ARAP2: variants seen among roughly 807,000 people sequenced by gnomAD.
ARAP2 encodes the protein ArfGAP with RhoGAP domain, ankyrin repeat and PH domain 2.
In ARAP2, 148 loss-of-function variants were observed where a neutral mutation model predicts 194.5. The ratio of observed to expected loss-of-function variants is 0.76; its 90% CI spans 0.67 to 0.87. ARAP2 has a LOEUF of 0.87. ARAP2 is among the 40% of genes least tolerant of loss of function. The pLI, the probability that ARAP2 is intolerant of heterozygous loss-of-function variation, is 0.00. For synonymous variants in ARAP2, 695 were observed against 683.5 expected, an observed-to-expected ratio of 1.02 and a Z score of -0.26; for missense variants, 2,128 against 1,989.7, an observed-to-expected ratio of 1.07 and a Z score of -1.32.
At chr4:36,144,906 T>A (rs1224526684) in intron 19 of ARAP2, among the ~76,000 whole-genome samples, 2 of 152,092 alleles carry the variant, frequency 1.3e-5, no homozygotes, top group East Asian at 3.9e-4. Flanking sequence ...TTCATGATGA[T>A]CTACTTCCAC....
At chr4:36,013,289 C>T (rs1340245963) in intron 8 of ARAP2, among the ~76,000 whole-genome samples, 1 of 152,090 alleles carries the variant, frequency 6.6e-6, no homozygotes, top group Non-Finnish European at 1.5e-5. Flanking sequence ...TGCCGTTTAA[C>T]TAAATGACGT....
chr4:36,173,120 C>T (rs1222411368), intron 9 of ARAP2, among the ~76,000 whole-genome samples: 1 of 151,902 alleles, frequency 6.6e-6, no homozygotes, highest in Non-Finnish European at 1.5e-5. Context: ...CCCAAACCCA[C>T]CAAGCAAGAC....
At chr4:36,064,047 T>C (rs982370087), downstream of ARAP2, among the ~76,000 whole-genome samples, 4 of 152,238 alleles carry the variant, frequency 2.6e-5, no homozygotes, top group African/African-American at 4.8e-5. Flanking sequence ...TTGTTTGATT[T>C]TGAGTTCTCA....
At chr4:36,015,607 G>C (rs1203058253) in exon 8 of ARAP2, 1 of 152,158 alleles carries the variant, frequency 6.6e-6, no homozygotes, top group Non-Finnish European at 1.5e-5. Flanking sequence ...TATGGTATAT[G>C]GGTTCCAAAT....
intron 15 of ARAP2, 103 bp downstream of exon 15, chr4:36,158,627 G>T (rs552458520): frequency 9.2e-6 from 9 of 980,938 alleles, no homozygotes; most frequent in Non-Finnish European, 1.3e-5. Context: ...TCTACTTGGA[G>T]ATCAAATCTA....
In ARAP2 at chr4:36,114,057, T is replaced by TA. The variant is rs533381646; in HGVS notation, c.4156+112dup. ...ACATATATTAATACATGCACTAAGG[T>TA]AAAAAAAATCATAACAAGATGTTAA... On this transcript the variant is annotated intron_variant, in intron 26 of 32. Transcript: ENST00000303965. The TA allele has an allele frequency of 5.1e-4, 415 of 819,366 alleles. 2 individuals are homozygous for TA. Among genetic ancestry groups the TA allele is most frequent in the Middle Eastern group, 3.0e-3 (8 of 2,698 alleles). The allele number at this position is 819,366 out of a possible 1,614,324, so 50.8% of individuals were successfully genotyped here. A position where few individuals can be genotyped will look rare whatever the true frequency, so the allele number is the denominator to read the frequency against.
intron 6 of ARAP2, among the ~76,000 whole-genome samples, chr4:36,203,222 G>C (rs1744799814): frequency 6.6e-6 from 1 of 152,068 alleles, no homozygotes; most frequent in South Asian, 2.1e-4. Context: ...TTAAAGCAGA[G>C]GAATCAAATA....
At chr4:36,107,439 A>C in intron 27 of ARAP2, 126 bp downstream of exon 27, 1 of 927,238 alleles carries the variant, frequency 1.1e-6, no homozygotes, top group Non-Finnish European at 1.6e-6. Context: ...TATATGTACT[A>C]TCTCAGTTCA....
chr4:36,167,200 G>A (rs1001171700), intron 9 of ARAP2, among the ~76,000 whole-genome samples, 153 bp from the exon 10 acceptor site: 5 of 152,038 alleles, frequency 3.3e-5, no homozygotes, highest in African/African-American at 1.2e-4. Context: ...TAATAGCACT[G>A]GGCCAACTTA....
At chr4:36,152,982 T>C (rs1247443030) in intron 15 of ARAP2, among the ~76,000 whole-genome samples, 1 of 152,210 alleles carries the variant, frequency 6.6e-6, no homozygotes, top group Admixed American at 6.5e-5. Context: ...TGGGAGCCAT[T>C]CAAAGGTCTT....
At chr4:36,140,156 A>ACACACACACACACACACACG (rs1727938427) in intron 19 of ARAP2, among the ~76,000 whole-genome samples, 1 of 151,094 alleles carries the variant, frequency 6.6e-6, no homozygotes, top group Admixed American at 6.6e-5. Context: ...ACACACACAC[A>ACACACACACACACACACACG]CACACACACA....
intron 25 of ARAP2, among the ~76,000 whole-genome samples, chr4:36,116,248 A>G (rs529343017): frequency 8.4e-4 from 128 of 152,060 alleles, no homozygotes; most frequent in Non-Finnish European, 1.1e-3. Context: ...CTTAAAATCA[A>G]TATATATTTA....
intron 19 of ARAP2, among the ~76,000 whole-genome samples, chr4:36,136,966 G>A (rs1462260541): frequency 2.0e-5 from 3 of 150,860 alleles, no homozygotes; most frequent in Admixed American, 1.3e-4. Context: ...ACATATACAC[G>A]TATATATGTA....
At chr4:36,195,275 C>T (rs946668253) in intron 6 of ARAP2, among the ~76,000 whole-genome samples, 2 of 152,206 alleles carry the variant, frequency 1.3e-5, no homozygotes, top group Non-Finnish European at 1.5e-5. Context: ...GGCCTGTCTG[C>T]AATGGGTTTT....
At chr4:36,203,280 G>A (rs1256793867) in intron 6 of ARAP2, among the ~76,000 whole-genome samples, 3 of 152,004 alleles carry the variant, frequency 2.0e-5, no homozygotes, top group African/African-American at 2.4e-5. Flanking sequence ...TTTCCCACAT[G>A]AGCCACCCAA....
intron 2 of ARAP2, among the ~76,000 whole-genome samples, chr4:36,052,450 T>G (rs2109253205): frequency 6.6e-6 from 1 of 152,328 alleles, no homozygotes; most frequent in East Asian, 1.9e-4. Context: ...TTATGAACAG[T>G]AGCTACATAC....
At chr4:36,170,056 C>A (rs992787044) in intron 9 of ARAP2, among the ~76,000 whole-genome samples, 14 of 152,148 alleles carry the variant, frequency 9.2e-5, no homozygotes, top group Non-Finnish European at 7.4e-5. Flanking sequence ...GTTTAGAATA[C>A]TTCTCATCCC....
chr4:36,087,000 G>A (rs908755976), intron 28 of ARAP2, among the ~76,000 whole-genome samples: 1 of 151,928 alleles, frequency 6.6e-6, no homozygotes, highest in African/African-American at 2.4e-5. Context: ...ACACAAAGTC[G>A]CTTTAAATAC....
At chr4:36,014,458 G>A (rs887655093) in intron 8 of ARAP2, among the ~76,000 whole-genome samples, 4 of 152,030 alleles carry the variant, frequency 2.6e-5, no homozygotes, top group Non-Finnish European at 4.4e-5. Context: ...ACAAGGAAAA[G>A]AAATTGGGGT....
Sources: allele counts gnomAD v4.1 joint callset (sites outside exome capture counted in the v4.1 genomes callset), GRCh38; gene constraint gnomAD v4.1.1; transcripts MANE v1.5; gene names NCBI Gene and HGNC (gene_info 2026-07-23, HGNC 2026-07-21).